Variants in SPOCK1 observed in about 807,000 individuals in gnomAD.
SPOCK1 encodes the protein SPARC (osteonectin), cwcv and kazal like domains proteoglycan 1.
In SPOCK1, 23 loss-of-function variants were observed where a neutral mutation model predicts 55.3. That is an observed-to-expected ratio of 0.42 (90% CI 0.30 to 0.59). The LOEUF is 0.59. Among genes scored for constraint, SPOCK1 ranks in the 20% least tolerant of loss-of-function variants. The pLI is 0.22. For missense variants in SPOCK1, 499 were observed against 552.5 expected, an observed-to-expected ratio of 0.90 and a Z score of 0.97; for synonymous variants, 226 against 221.0, an observed-to-expected ratio of 1.02 and a Z score of -0.20.
intron 5 of SPOCK1, among the ~76,000 whole-genome samples, chr5:137,101,099 A>G (rs1315272317): frequency 6.6e-6 from 1 of 152,152 alleles, no homozygotes; most frequent in African/African-American, 2.4e-5. Context: ...CTTGAAAAAT[A>G]TGAAGAAGTC....
intron 2 of SPOCK1, among the ~76,000 whole-genome samples, chr5:137,340,168 C>G (rs1750387813): frequency 6.6e-6 from 1 of 152,174 alleles, no homozygotes; most frequent in Non-Finnish European, 1.5e-5. Flanking sequence ...GCTGTCATCA[C>G]TGAAGGAGAT....
At chr5:137,137,692 A>C (rs1487354779) in intron 4 of SPOCK1, among the ~76,000 whole-genome samples, 1 of 152,182 alleles carries the variant, frequency 6.6e-6, no homozygotes, top group African/African-American at 2.4e-5. Context: ...GGGGCAGCAG[A>C]AATGACACTG....
intron 2 of SPOCK1, among the ~76,000 whole-genome samples, chr5:137,457,500 TG>T (rs145130123): frequency 0.22 from 34,018 of 152,116 alleles, 4,040 homozygotes; most frequent in Admixed American, 0.33. Flanking sequence ...TACTCTGGAT[TG>T]ACTATTCCTT....
chr5:137,033,562 G>T (rs1751825028), intron 6 of SPOCK1, among the ~76,000 whole-genome samples: 1 of 152,068 alleles, frequency 6.6e-6, no homozygotes, highest in South Asian at 2.1e-4. Context: ...GCATGAAGGG[G>T]TCTCCCCACT....
chr5:137,352,939 T>C (rs1750714056), intron 2 of SPOCK1, among the ~76,000 whole-genome samples: 1 of 152,242 alleles, frequency 6.6e-6, no homozygotes, highest in Non-Finnish European at 1.5e-5. Context: ...AATTATTTTC[T>C]ATATTTCCAA....
At chr5:137,495,507 C>T (rs1754279379) in intron 2 of SPOCK1, among the ~76,000 whole-genome samples, 2 of 152,214 alleles carry the variant, frequency 1.3e-5, no homozygotes, top group South Asian at 4.1e-4. Context: ...AAGAAGTTTT[C>T]TTTCACAATG....
intron 2 of SPOCK1, among the ~76,000 whole-genome samples, chr5:137,416,921 ATATTTTGAATATTTGAT>A (rs899065484): frequency 3.9e-5 from 6 of 152,164 alleles, no homozygotes; most frequent in Admixed American, 1.3e-4. Context: ...TTTTGTTCAA[ATATTTTGAATATTTGAT>A]TATTTTGAAT....
chr5:137,357,272 T>C (rs1750838656), intron 2 of SPOCK1, among the ~76,000 whole-genome samples: 1 of 152,148 alleles, frequency 6.6e-6, no homozygotes, highest in Non-Finnish European at 1.5e-5. Flanking sequence ...ACATCTATAA[T>C]TATGATTCAG....
intron 2 of SPOCK1, among the ~76,000 whole-genome samples, chr5:137,445,472 A>G (rs1325036883): frequency 2.6e-5 from 4 of 152,208 alleles, no homozygotes; most frequent in African/African-American, 9.6e-5. Context: ...GGCAACAGGG[A>G]GGCTTGGGAA....
At chr5:137,116,762 C>G (rs1753591329) in intron 4 of SPOCK1, among the ~76,000 whole-genome samples, 1 of 152,164 alleles carries the variant, frequency 6.6e-6, no homozygotes, top group South Asian at 2.1e-4. Flanking sequence ...TGCTCCCCTC[C>G]CCAACACACA....
chr5:137,187,992 T>G (rs1004130833), intron 3 of SPOCK1, among the ~76,000 whole-genome samples: 8 of 152,218 alleles, frequency 5.3e-5, no homozygotes, highest in African/African-American at 1.9e-4. Context: ...TTCCACCCCT[T>G]GGAGCAAATA....
chr5:137,418,072 G>C (rs539623686), intron 2 of SPOCK1, among the ~76,000 whole-genome samples: 124 of 152,244 alleles, frequency 8.1e-4, no homozygotes, highest in African/African-American at 2.9e-3. Context: ...TGTTGTCCTT[G>C]TGATAGTTAG....
intron 9 of SPOCK1, among the ~76,000 whole-genome samples, chr5:136,982,734 G>T (rs969468715): frequency 2.0e-5 from 3 of 151,904 alleles, no homozygotes; most frequent in Non-Finnish European, 4.4e-5. Flanking sequence ...TAGCAGAATT[G>T]TCATTTCTTT....
chr5:137,388,539 C>T (rs976337753), intron 2 of SPOCK1, among the ~76,000 whole-genome samples: 4 of 152,178 alleles, frequency 2.6e-5, no homozygotes, highest in Admixed American at 1.3e-4. Flanking sequence ...GTACCATCTC[C>T]TGCCCTTGAA....
chr5:137,024,739 C>A (rs769784947), intron 6 of SPOCK1, among the ~76,000 whole-genome samples: 2 of 152,108 alleles, frequency 1.3e-5, no homozygotes, highest in Non-Finnish European at 2.9e-5. Context: ...CCACTATATG[C>A]TCCAGCAATT....
intron 2 of SPOCK1, among the ~76,000 whole-genome samples, chr5:137,302,886 T>A (rs1757628933): frequency 6.6e-6 from 1 of 152,160 alleles, no homozygotes. Flanking sequence ...TCCACAATAG[T>A]ATTTTCAGAT....
intron 3 of SPOCK1, among the ~76,000 whole-genome samples, chr5:137,161,068 A>C (rs1449520655): frequency 1.4e-5 from 2 of 146,774 alleles, no homozygotes; most frequent in Non-Finnish European, 3.0e-5. Context: ...TATATTATAT[A>C]TCTCTAATAT....
chr5:137,364,507 G>A (rs980514511), intron 2 of SPOCK1, among the ~76,000 whole-genome samples: 3 of 152,172 alleles, frequency 2.0e-5, no homozygotes, highest in African/African-American at 7.2e-5. Flanking sequence ...AGAGCTTTTT[G>A]CATGAGGGTC....
chr5:137,268,759 T>C (rs990902216), intron 2 of SPOCK1, among the ~76,000 whole-genome samples: 10 of 152,200 alleles, frequency 6.6e-5, no homozygotes, highest in African/African-American at 2.4e-4. Context: ...CCAACTGTGG[T>C]TTATCAATGC....
Sources: allele counts gnomAD v4.1 joint callset (sites outside exome capture counted in the v4.1 genomes callset), GRCh38; gene constraint gnomAD v4.1.1; transcripts MANE v1.5; gene names NCBI Gene and HGNC (gene_info 2026-07-23, HGNC 2026-07-21).